WDHD1: variants seen among roughly 807,000 people sequenced by gnomAD.
WDHD1 encodes WD repeat and HMG-box DNA-binding protein 1.
Under a neutral mutation model 135.4 loss-of-function variants are expected in WDHD1, and 111 were observed. The observed-to-expected ratio is 0.82, with a 90% confidence interval of 0.70 to 0.96. The LOEUF (loss-of-function observed/expected upper bound fraction) is 0.96, where lower values mean the gene tolerates loss of function less well. Among genes scored for constraint, WDHD1 ranks in the 40% least tolerant of loss-of-function variants. The probability of loss-of-function intolerance (pLI) is 0.00; values close to 1 mark genes in which losing one functional copy is unlikely to be tolerated. For missense variants in WDHD1, 1,351 were observed against 1,336.3 expected (o/e 1.01, Z -0.17); for synonymous variants, 434 against 439.0 (o/e 0.99, Z 0.14).
chr14:54,955,489 C>T (rs2041137325), intron 24 of WDHD1, 72 bp downstream of exon 24: 4 of 1,361,468 alleles, frequency 2.9e-6, no homozygotes, highest in Non-Finnish European at 3.8e-6. Flanking sequence ...AACAGCATTG[C>T]ATAATTTTGT....
At chr14:54,993,905 G>A (rs1427691531) in intron 11 of WDHD1, among the ~76,000 whole-genome samples, 1 of 152,068 alleles carries the variant, frequency 6.6e-6, no homozygotes, top group African/African-American at 2.4e-5. Flanking sequence ...TCTCGGAAGG[G>A]TCCTCAAAAT....
Position 54,984,861 on chromosome 14 carries a change from C to T in WDHD1, c.1769-1G>A, listed in dbSNP as rs1319926822. 19 of 1,607,956 alleles carry T rather than the reference C, an allele frequency of 1.2e-5. No homozygotes were observed. The highest frequency in any genetic ancestry group is 1.6e-5 in the Non-Finnish European group (19 of 1,178,244). ...CACTGATCCCCATCAAATCCTGTAC[C>T]TAATGAGAAAATGTAAATATAAATC... On this transcript the variant is annotated splice_acceptor_variant, in intron 14 of 25. Transcript: ENST00000360586. LOFTEE classifies it high-confidence loss of function.
chr14:54,952,221 A>G (rs1398074822), intron 24 of WDHD1, among the ~76,000 whole-genome samples: 1 of 152,236 alleles, frequency 6.6e-6, no homozygotes, highest in Non-Finnish European at 1.5e-5. Flanking sequence ...TGCAGATGAC[A>G]TGATTGTATA....
rs117690026 is a variant in WDHD1 at position 55,005,313 on chromosome 14, T to C, written c.600+1967A>G. ...AGAGGCTGGTGATCAGCACTGGGATTAGTCACCATAAGAAGCTGTGGCTCC... is the reference window on the plus strand; with the variant it reads ...AGAGGCTGGTGATCAGCACTGGGATCAGTCACCATAAGAAGCTGTGGCTCC... On this transcript the variant is annotated intron_variant, in intron 7 of 25. Coordinates refer to ENST00000360586, the MANE Select transcript of WDHD1 (RefSeq NM_007086.4). 3.9e-4 allele frequency: 213 copies of C among 552,418 alleles called. No homozygotes were observed. The East Asian group carries it at 9.1e-3, about 23-fold the overall frequency. 34.2% of individuals were successfully genotyped at this position (552,418 alleles called of 1,614,324 possible). A position where few individuals can be genotyped will look rare whatever the true frequency, so the allele number is the denominator to read the frequency against.
intron 14 of WDHD1, among the ~76,000 whole-genome samples, chr14:54,985,851 G>A (rs1357107446): frequency 6.6e-6 from 1 of 152,200 alleles, no homozygotes; most frequent in African/African-American, 2.4e-5. Context: ...GGAAAGAGAA[G>A]AATCGAGGAT....
chr14:54,942,251 AAAAT>A (rs140230532), intron 25 of WDHD1, among the ~76,000 whole-genome samples: 50,068 of 148,938 alleles, frequency 0.34, 8,859 homozygotes, highest in African/African-American at 0.46. Context: ...TCCGTCTCAA[AAAAT>A]AAATAAATAA....
intron 24 of WDHD1, among the ~76,000 whole-genome samples, chr14:54,947,902 C>CT (rs2040956987): frequency 6.6e-6 from 1 of 151,272 alleles, no homozygotes; most frequent in Non-Finnish European, 1.5e-5. Flanking sequence ...AAAATTGTGA[C>CT]TTTTCAAATT....
chr14:55,016,168 G>C (rs972054839), intron 2 of WDHD1, among the ~76,000 whole-genome samples: 1 of 152,130 alleles, frequency 6.6e-6, no homozygotes, highest in Non-Finnish European at 1.5e-5. Flanking sequence ...AGAGTAGTCT[G>C]AATGTTTTTC....
chr14:55,024,544 C>T (rs1344447433), intron 2 of WDHD1, among the ~76,000 whole-genome samples: 1 of 152,170 alleles, frequency 6.6e-6, no homozygotes, highest in African/African-American at 2.4e-5. Flanking sequence ...CACACTTACC[C>T]AAACTTGTGG....
Position 55,004,282 on chromosome 14 carries a change from ATTTGGTTC to A in WDHD1, c.601-2105_601-2098del, listed in dbSNP as rs201326855. 5.3e-3 allele frequency among the ~76,000 whole-genome samples: 811 copies of A among 152,202 alleles called. 10 individuals are homozygous for A. The highest frequency in any genetic ancestry group is 0.018 in the African/African-American group (767 of 41,522). ...TTATATACACTAACTTTCCATATAC[ATTTGGTTC>A]TATTTATCTCTTTAACAGGTATGTG... On this transcript the variant is annotated intron_variant, in intron 7 of 25. Transcript: ENST00000360586.
chr14:54,988,817 T>C (rs1202659868), intron 13 of WDHD1, among the ~76,000 whole-genome samples: 1 of 151,976 alleles, frequency 6.6e-6, no homozygotes, highest in Non-Finnish European at 1.5e-5. Context: ...CATTTTGCTA[T>C]GTAGTTAGAG....
chr14:54,961,702 G>A (rs2041254192), intron 21 of WDHD1, among the ~76,000 whole-genome samples: 1 of 152,080 alleles, frequency 6.6e-6, no homozygotes, highest in African/African-American at 2.4e-5. Context: ...TTAAATCAAA[G>A]TAACATATGT....
At chr14:55,016,565 T>C (rs1594593306) in intron 2 of WDHD1, among the ~76,000 whole-genome samples, 1 of 152,304 alleles carries the variant, frequency 6.6e-6, no homozygotes, top group South Asian at 2.1e-4. Context: ...AGAAGGTGAT[T>C]TATATCTTGT....
intron 18 of WDHD1, among the ~76,000 whole-genome samples, chr14:54,965,545 A>T (rs1056057301): frequency 1.3e-5 from 2 of 152,212 alleles, no homozygotes; most frequent in Non-Finnish European, 2.9e-5. Context: ...AAACTAGAGC[A>T]GTGGTTCTCA....
intron 2 of WDHD1, among the ~76,000 whole-genome samples, chr14:55,019,798 G>A (rs974712749): frequency 2.0e-5 from 3 of 152,192 alleles, no homozygotes; most frequent in African/African-American, 7.2e-5. Context: ...GAACCCAGGA[G>A]GCAGAGGTTA....
At chr14:54,943,587 G>A (rs1237691464) in intron 25 of WDHD1, among the ~76,000 whole-genome samples, 1 of 151,972 alleles carries the variant, frequency 6.6e-6, no homozygotes, top group African/African-American at 2.4e-5. Flanking sequence ...TTGTAGAGAT[G>A]GTGTATCACT....
At chr14:54,991,764 T>C (rs2041795412) in intron 11 of WDHD1, among the ~76,000 whole-genome samples, 1 of 152,188 alleles carries the variant, frequency 6.6e-6, no homozygotes. Context: ...AAAAAAGCAC[T>C]TATGCAATTG....
chr14:55,024,051 C>T (rs922035834), intron 2 of WDHD1, among the ~76,000 whole-genome samples: 2 of 152,124 alleles, frequency 1.3e-5, no homozygotes, highest in African/African-American at 2.4e-5. Context: ...TTCTAGGCTA[C>T]ATGGTTCGTC....
At chr14:54,966,751 T>C (rs1042902642) in intron 17 of WDHD1, 145 bp from the exon 18 acceptor site, 2 of 1,002,708 alleles carry the variant, frequency 2.0e-6, no homozygotes, top group Non-Finnish European at 2.8e-6. Flanking sequence ...ATTTAAATTC[T>C]AGTGTGATAC....
Sources: gnomAD v4.1 joint callset for allele counts (sites outside exome capture counted in the v4.1 genomes callset) on GRCh38, gnomAD v4.1.1 for gene constraint, MANE v1.5 for transcripts, NCBI Gene and HGNC (gene_info 2026-07-23, HGNC 2026-07-21) for gene names.